ATXN2: variants seen among roughly 807,000 people sequenced by gnomAD.
ATXN2 encodes ataxin-2.
A neutral mutation model predicts 138.6 loss-of-function variants in ATXN2; 37 were observed. The ratio of observed to expected loss-of-function variants is 0.27; its 90% CI spans 0.21 to 0.35. The LOEUF (loss-of-function observed/expected upper bound fraction) is 0.35. ATXN2 is among the 10% of genes least tolerant of loss of function. The pLI is 1.00. For synonymous variants in ATXN2, 549 were observed against 543.7 expected (o/e 1.01, Z -0.13); for missense variants, 1,216 against 1,480.3 (o/e 0.82, Z 2.93).
chr12:111,581,269 G>A, intron 1 of ATXN2: 1 of 417,110 alleles, frequency 2.4e-6, no homozygotes, highest in Non-Finnish European at 4.4e-6. Context: ...TAAATAGAAT[G>A]AGTACTAAAA....
intron 18 of ATXN2, among the ~76,000 whole-genome samples, chr12:111,473,306 A>G (rs375508505): frequency 6.6e-6 from 1 of 152,018 alleles, no homozygotes; most frequent in East Asian, 1.9e-4. Context: ...AAATTCCAGA[A>G]GTTTATACTG....
At chr12:111,562,912 C>T (rs1882782527) in intron 1 of ATXN2, among the ~76,000 whole-genome samples, 1 of 151,794 alleles carries the variant, frequency 6.6e-6, no homozygotes, top group Admixed American at 6.6e-5. Context: ...ATGAAATGAC[C>T]AAGTGAAAAA....
chr12:111,495,812 G>A (rs1878387551), intron 14 of ATXN2, among the ~76,000 whole-genome samples: 1 of 152,062 alleles, frequency 6.6e-6, no homozygotes, highest in Non-Finnish European at 1.5e-5. Context: ...CATATGGATT[G>A]CTCTCAAAGA....
At chr12:111,486,082 C>A (rs543856483) in intron 16 of ATXN2, among the ~76,000 whole-genome samples, 213 of 152,164 alleles carry the variant, frequency 1.4e-3, no homozygotes, top group Non-Finnish European at 2.5e-3. Context: ...ATATTAAAAA[C>A]AGTGGCAGCT....
intron 1 of ATXN2, among the ~76,000 whole-genome samples, chr12:111,593,610 TAA>T (rs796284474): frequency 4.3e-5 from 6 of 141,056 alleles, no homozygotes; most frequent in Non-Finnish European, 1.6e-5. Context: ...ATTTTTCTCT[TAA>T]AAAAAAAAAA....
chr12:111,534,514 G>GA (rs1881035277), intron 5 of ATXN2, among the ~76,000 whole-genome samples: 1 of 152,098 alleles, frequency 6.6e-6, no homozygotes, highest in African/African-American at 2.4e-5. Flanking sequence ...GGTTGGGGGG[G>GA]ACGCATTTCC....
chr12:111,544,079 T>TA (rs984299926), intron 5 of ATXN2, among the ~76,000 whole-genome samples: 1 of 151,446 alleles, frequency 6.6e-6, no homozygotes, highest in South Asian at 2.1e-4. Context: ...CCTGTTTCTT[T>TA]AAAAAAAAGA....
At chr12:111,543,618 A>G (rs1881650815) in intron 5 of ATXN2, among the ~76,000 whole-genome samples, 1 of 152,120 alleles carries the variant, frequency 6.6e-6, no homozygotes, top group African/African-American at 2.4e-5. Context: ...TGTAAAATCT[A>G]GACAATTATT....
intron 1 of ATXN2, among the ~76,000 whole-genome samples, chr12:111,595,684 G>A (rs549759981): frequency 2.6e-5 from 4 of 151,210 alleles, no homozygotes; most frequent in Admixed American, 1.3e-4. Flanking sequence ...AACGTTCAGG[G>A]GAAAAAAGCT....
chr12:111,549,391 C>T (rs1882003011), intron 5 of ATXN2, among the ~76,000 whole-genome samples: 1 of 151,772 alleles, frequency 6.6e-6, no homozygotes, highest in Non-Finnish European at 1.5e-5. Context: ...AAAAAATTAG[C>T]AGGGCATGGT....
Position 111,484,770 on chromosome 12 carries a change from G to A in ATXN2, c.2524+495C>T, listed in dbSNP as rs562694686. Among the ~76,000 whole-genome samples, 9 of 152,138 alleles carry A rather than the reference G, an allele frequency of 5.9e-5. No individual in the cohort carries two copies. In the East Asian group the frequency reaches 1.4e-3, roughly 23 times the overall value. On this transcript the variant is annotated intron_variant, in intron 18 of 24. Coordinates refer to ENST00000673436, the MANE Select transcript of ATXN2 (RefSeq NM_001372574.1). ...GTTTGAGACGGGGTCTCACTCTGTCGCCCAGGCTGGAGGGCAGTGGCATAA... is the reference window on the plus strand; with the variant it reads ...GTTTGAGACGGGGTCTCACTCTGTCACCCAGGCTGGAGGGCAGTGGCATAA...
At chr12:111,502,617 G>A (rs952280318) in intron 14 of ATXN2, among the ~76,000 whole-genome samples, 3 of 151,986 alleles carry the variant, frequency 2.0e-5, no homozygotes, top group African/African-American at 7.2e-5. Context: ...TTTTAGTAGA[G>A]ATGGGGTTTC....
intron 1 of ATXN2, among the ~76,000 whole-genome samples, chr12:111,587,948 G>A (rs1884428310): frequency 6.6e-6 from 1 of 151,968 alleles, no homozygotes; most frequent in Non-Finnish European, 1.5e-5. Flanking sequence ...ACACCAGCAT[G>A]TTAGGAGGCC....
At chr12:111,477,857 C>T (rs935452959) in intron 18 of ATXN2, among the ~76,000 whole-genome samples, 4 of 152,070 alleles carry the variant, frequency 2.6e-5, no homozygotes, top group Non-Finnish European at 4.4e-5. Context: ...ACCCCTCCAT[C>T]GCCCTCCAAA....
chr12:111,471,420 G>C (rs1196660409), intron 18 of ATXN2: 3 of 152,356 alleles, frequency 2.0e-5, no homozygotes, highest in East Asian at 1.9e-4. Context: ...CCTCCAGCAC[G>C]AGCTAGCTAC....
chr12:111,482,855 C>T (rs535512508), intron 18 of ATXN2: 5 of 151,540 alleles, frequency 3.3e-5, no homozygotes, highest in Admixed American at 3.3e-4. Flanking sequence ...AAATAGCATA[C>T]TGAGAAAACG....
chr12:111,553,604 A>AAAAAATTTTTTTTT (rs1882237738), intron 3 of ATXN2, among the ~76,000 whole-genome samples: 67 of 85,000 alleles, frequency 7.9e-4, no homozygotes, highest in Admixed American at 2.6e-3. Context: ...AAAAAAAAAA[A>AAAAAATTTTTTTTT]TTTTTTTTTT....
upstream of ATXN2, chr12:111,599,652 C>T (rs1885176699): frequency 8.3e-6 from 9 of 1,079,298 alleles, no homozygotes; most frequent in Non-Finnish European, 1.0e-5. Context: ...GAGCGGGCGG[C>T]GCGCTGGGTT....
intron 5 of ATXN2, among the ~76,000 whole-genome samples, chr12:111,536,448 A>G (rs565527045): frequency 5.3e-5 from 8 of 152,176 alleles, no homozygotes; most frequent in Non-Finnish European, 7.3e-5. Context: ...ACAGACAATA[A>G]CAAATGCTGG....
Sources: allele counts gnomAD v4.1 joint callset (sites outside exome capture counted in the v4.1 genomes callset), GRCh38; gene constraint gnomAD v4.1.1; transcripts MANE v1.5; gene names NCBI Gene and HGNC (gene_info 2026-07-23, HGNC 2026-07-21).